Variants in DNAH3 observed in about 807,000 individuals in gnomAD.
DNAH3 encodes axonemal beta dynein heavy chain 3.
A neutral mutation model predicts 432.5 loss-of-function variants in DNAH3; 332 were observed. The ratio of observed to expected loss-of-function variants is 0.77; its 90% CI spans 0.70 to 0.84. The LOEUF is 0.84. Ranked by LOEUF, DNAH3 falls within the 40% of genes least tolerant of loss-of-function variation. The pLI is 0.00. For missense variants in DNAH3, 4,861 were observed against 5,114.0 expected (o/e 0.95, Z 1.51); for synonymous variants, 1,956 against 1,900.2 (o/e 1.03, Z -0.76).
At chr16:21,098,798 T>C (rs201835723) in intron 16 of DNAH3, 29 bp from the exon 17 acceptor site, 2 of 1,595,714 alleles carry the variant, frequency 1.3e-6, no homozygotes, top group Non-Finnish European at 1.7e-6. Context: ...TGGTTACCTT[T>C]GGACTTTGCA....
chr16:21,085,959 T>A (rs2091357688), intron 19 of DNAH3, among the ~76,000 whole-genome samples: 1 of 151,932 alleles, frequency 6.6e-6, no homozygotes, highest in Admixed American at 6.6e-5. Context: ...TAGGGAGAGA[T>A]GGGGGTCTCA....
At chr16:21,001,027 C>T (rs1182690899) in intron 42 of DNAH3, among the ~76,000 whole-genome samples, 1 of 152,230 alleles carries the variant, frequency 6.6e-6, no homozygotes, top group Non-Finnish European at 1.5e-5. Context: ...TCATCACTGC[C>T]TGGCTCAGAG....
In DNAH3 at chr16:21,133,200, A is replaced by C. The variant is rs189837785; in HGVS notation, c.1082+1059T>G. Among the ~76,000 whole-genome samples, 11 of 151,924 alleles carry C rather than the reference A, an allele frequency of 7.2e-5. No homozygotes were observed. The East Asian group carries it at 1.9e-3, about 27-fold the overall frequency. On this transcript the variant is annotated intron_variant, in intron 7 of 61. Coordinates refer to ENST00000261383, the Ensembl canonical transcript of DNAH3. Reference sequence around the variant, plus strand: ...AACTCCGTCTCTATCAAAAAATACAAAAAATTAGCTGGGTGTGGTGGTGTG... The same window carrying C: ...AACTCCGTCTCTATCAAAAAATACACAAAATTAGCTGGGTGTGGTGGTGTG...
chr16:21,039,213 G>GTTTTTTTT (rs1567681489), intron 33 of DNAH3, among the ~76,000 whole-genome samples: 13 of 103,620 alleles, frequency 1.3e-4, no homozygotes, highest in Non-Finnish European at 1.2e-4. Flanking sequence ...TTATAGTGTT[G>GTTTTTTTT]CTTTTTTTTT....
intron 21 of DNAH3, 27 bp downstream of exon 21, chr16:21,075,420 A>T (rs1312531924): frequency 6.7e-7 from 1 of 1,497,746 alleles, no homozygotes; most frequent in African/African-American, 1.4e-5. Flanking sequence ...TGCTTTCAAA[A>T]GGGGCTGCGG....
At chr16:21,142,810 C>T (rs1252998946) in intron 3 of DNAH3, among the ~76,000 whole-genome samples, 1 of 152,112 alleles carries the variant, frequency 6.6e-6, no homozygotes, top group African/African-American at 2.4e-5. Context: ...CATGCCACCA[C>T]ACCTGGCTAA....
intron 1 of DNAH3, among the ~76,000 whole-genome samples, chr16:21,157,918 G>T (rs1365054294): frequency 6.6e-6 from 1 of 151,778 alleles, no homozygotes; most frequent in Non-Finnish European, 1.5e-5. Flanking sequence ...CTGGAGGTGG[G>T]GGGGGGCGGT....
At chr16:20,988,648 A>G (rs1017596284) in intron 44 of DNAH3, among the ~76,000 whole-genome samples, 16 of 152,340 alleles carry the variant, frequency 1.1e-4, no homozygotes, top group African/African-American at 3.6e-4. Flanking sequence ...TGATCATTGT[A>G]AAAGAGTCTA....
intron 41 of DNAH3, among the ~76,000 whole-genome samples, chr16:21,006,508 T>G (rs1393717075): frequency 3.3e-5 from 5 of 152,296 alleles, no homozygotes; most frequent in African/African-American, 1.2e-4. Flanking sequence ...TTCATTACAT[T>G]GGATAGAAAC....
At chr16:21,130,955 T>G (rs1451036390) in intron 7 of DNAH3, among the ~76,000 whole-genome samples, 6 of 152,288 alleles carry the variant, frequency 3.9e-5, no homozygotes, top group Admixed American at 3.9e-4. Flanking sequence ...GTTGAGCAAT[T>G]ACTGTGTGCC....
intron 31 of DNAH3, among the ~76,000 whole-genome samples, chr16:21,047,060 C>T (rs531563391): frequency 2.9e-4 from 44 of 150,442 alleles, no homozygotes; most frequent in African/African-American, 5.4e-4. Flanking sequence ...TACTCTGACG[C>T]GCTTCCCTTT....
At chr16:20,944,417 A>G in intron 58 of DNAH3, 79 bp downstream of exon 58, 1 of 1,533,328 alleles carries the variant, frequency 6.5e-7, no homozygotes, top group Non-Finnish European at 8.9e-7. Flanking sequence ...CCTCTTGGTC[A>G]CCCTCCAATC....
intron 9 of DNAH3, among the ~76,000 whole-genome samples, chr16:21,122,401 C>T (rs1433269274): frequency 6.6e-6 from 1 of 151,840 alleles, no homozygotes; most frequent in African/African-American, 2.4e-5. Context: ...CTAAAAAACA[C>T]AAAAAACTAG....
chr16:21,125,671 G>T (rs2092433685), intron 8 of DNAH3, among the ~76,000 whole-genome samples: 1 of 152,196 alleles, frequency 6.6e-6, no homozygotes, highest in African/African-American at 2.4e-5. Context: ...AGAGATTGGG[G>T]TAAAGGGGCA....
intron 24 of DNAH3, among the ~76,000 whole-genome samples, chr16:21,064,405 T>C (rs1451431855): frequency 6.6e-6 from 1 of 152,184 alleles, no homozygotes; most frequent in Non-Finnish European, 1.5e-5. Context: ...CCCAGCTCAA[T>C]CTGCCAACCT....
At chr16:21,147,588 T>C (rs1210785690) in intron 1 of DNAH3, among the ~76,000 whole-genome samples, 2 of 152,208 alleles carry the variant, frequency 1.3e-5, no homozygotes, top group African/African-American at 2.4e-5. Flanking sequence ...ATTTTCTGTG[T>C]ATTTAACACA....
At chr16:21,078,046 C>A (rs546703639) in intron 20 of DNAH3, among the ~76,000 whole-genome samples, 106 of 152,228 alleles carry the variant, frequency 7.0e-4, no homozygotes, top group Non-Finnish European at 6.3e-4. Context: ...GAGGCCAAGG[C>A]AGGTGAATCA....
intron 41 of DNAH3, among the ~76,000 whole-genome samples, chr16:21,017,932 C>T (rs1400749740): frequency 2.0e-5 from 3 of 151,862 alleles, no homozygotes; most frequent in South Asian, 2.1e-4. Context: ...TAGATTTTAC[C>T]GTTAGCTCTT....
Position 21,094,667 on chromosome 16 carries a change from A to AAT in DNAH3, c.2665+2686_2665+2687dup, listed in dbSNP as rs143303681. On this transcript the variant is annotated intron_variant, in intron 18 of 61. Coordinates refer to ENST00000261383, the Ensembl canonical transcript of DNAH3. ...TATGACAAAGTGACACTCCATCTCA[A>AAT]ATATATATATATATATGGACAATAA... Among the ~76,000 whole-genome samples the AAT allele has an allele frequency of 4.8e-3, 715 of 149,198 alleles. 1 individual carries two copies. The highest frequency in any genetic ancestry group is 0.015 in the African/African-American group (623 of 40,910).
Sources: allele counts gnomAD v4.1 joint callset (sites outside exome capture counted in the v4.1 genomes callset), GRCh38; gene constraint gnomAD v4.1.1; transcripts MANE v1.5; gene names NCBI Gene and HGNC (gene_info 2026-07-23, HGNC 2026-07-21).